The following PTPRN2 variants were observed in gnomAD, a reference collection of about 807,000 sequenced individuals.
The protein encoded by PTPRN2 is protein tyrosine phosphatase receptor type N2.
A neutral mutation model predicts 118.8 loss-of-function variants in PTPRN2; 74 were observed. The observed-to-expected ratio is 0.62, with a 90% CI of 0.52 to 0.76. The LOEUF is 0.76. Ranked by LOEUF, PTPRN2 falls within the 30% of genes least tolerant of loss-of-function variation. The probability of loss-of-function intolerance (pLI) is 0.00; values close to 1 mark genes in which losing one functional copy is unlikely to be tolerated. For synonymous variants in PTPRN2, 641 were observed against 608.0 expected, an observed-to-expected ratio of 1.05 and a Z score of -0.80; for missense variants, 1,481 against 1,394.4, an observed-to-expected ratio of 1.06 and a Z score of -0.99.
At position 158,391,679 on chromosome 7, in the gene PTPRN2, C is replaced by A. The variant is rs371184032; in HGVS notation, c.164-74747G>T. Among the ~76,000 whole-genome samples the A allele has an allele frequency of 1.3e-4, 20 of 152,330 alleles. 1 individual carries two copies. The South Asian group carries it at 4.1e-3, about 32-fold the overall frequency. On this transcript the variant is annotated intron_variant, in intron 2 of 22. Transcript: ENST00000389418. ...CCAGGACATAGAGCAGCTGGAGTCC[C>A]ACCCCAGCCCCTCACAGCCCTGACC...
chr7:158,291,491 G>A lies in PTPRN2; in HGVS notation c.277+25328C>T, dbSNP rs143845546. ...AATTGTTATAAATTAACTAGATTTT[G>A]GTTGATTTCTAATGTTTTCCAAAAA... is the stretch of plus-strand genomic sequence containing the variant. On this transcript the variant is annotated intron_variant, in intron 3 of 22. Transcript: ENST00000389418. Among the ~76,000 whole-genome samples the A allele has an allele frequency of 2.0e-5, 3 of 152,198 alleles. No individual in the cohort carries two copies. The East Asian group carries it at 5.8e-4, about 29-fold the overall frequency.
chr7:158,131,159 A>AAT (rs55780451), intron 9 of PTPRN2, among the ~76,000 whole-genome samples: 2,826 of 151,042 alleles, frequency 0.019, 76 homozygotes, highest in African/African-American at 0.058. Flanking sequence ...CAAATACCCG[A>AAT]AGATGCACAT....
intron 3 of PTPRN2, among the ~76,000 whole-genome samples, chr7:158,239,819 C>A (rs1795802332): frequency 6.6e-6 from 1 of 152,202 alleles, no homozygotes; most frequent in Admixed American, 6.5e-5. Context: ...CCTCCACGCC[C>A]ATTGGGTCAC....
chr7:158,062,899 C>T (rs367863002), intron 11 of PTPRN2, among the ~76,000 whole-genome samples: 53 of 152,330 alleles, frequency 3.5e-4, no homozygotes, highest in African/African-American at 1.1e-3. Flanking sequence ...CGACAAGCGC[C>T]GCCCCCTGCT....
intron 3 of PTPRN2, among the ~76,000 whole-genome samples, chr7:158,214,319 G>T (rs1827814972): frequency 6.6e-6 from 1 of 151,608 alleles, no homozygotes. Flanking sequence ...CATGGTGGTG[G>T]ATTCCCTGGG....
At chr7:157,814,550 A>G (rs2151124924) in intron 12 of PTPRN2, among the ~76,000 whole-genome samples, 1 of 114,334 alleles carries the variant, frequency 8.7e-6, no homozygotes, top group Middle Eastern at 4.4e-3. Context: ...CAGAGGGAGG[A>G]CAGGGACGGA....
chr7:157,947,634 G>A (rs1482733155), intron 11 of PTPRN2, among the ~76,000 whole-genome samples: 1 of 152,166 alleles, frequency 6.6e-6, no homozygotes, highest in Non-Finnish European at 1.5e-5. Context: ...GGAAGCTGAC[G>A]AAATCATGTA....
chr7:158,182,427 G>A (rs1168090782), intron 5 of PTPRN2, among the ~76,000 whole-genome samples: 2 of 152,104 alleles, frequency 1.3e-5, no homozygotes, highest in Non-Finnish European at 2.9e-5. Context: ...TGTGTGCCAT[G>A]GTGGTTTGCT....
intron 2 of PTPRN2, among the ~76,000 whole-genome samples, chr7:158,345,651 G>T (rs1807454790): frequency 6.6e-6 from 1 of 152,210 alleles, no homozygotes; most frequent in Non-Finnish European, 1.5e-5. Context: ...GGCTGAGGAA[G>T]CAAAATGACT....
intron 2 of PTPRN2, among the ~76,000 whole-genome samples, chr7:158,387,205 C>A (rs148431755): frequency 1.3e-5 from 2 of 152,234 alleles, no homozygotes; most frequent in Admixed American, 6.5e-5. Context: ...AGGGCCCACA[C>A]GGACAGATCT....
intron 12 of PTPRN2, among the ~76,000 whole-genome samples, chr7:157,843,221 T>C (rs1180886536): frequency 6.6e-6 from 1 of 152,220 alleles, no homozygotes; most frequent in Non-Finnish European, 1.5e-5. Flanking sequence ...AGCTGTACCA[T>C]AAAGCCTAAT....
rs1415438611 is a variant in PTPRN2 at position 157,764,906 on chromosome 7, T to A, written c.1789-81969A>T. On this transcript the variant is annotated intron_variant, in intron 12 of 22. Transcript: ENST00000389418. This position sits in a 1 kb window ranked among gnomAD's most constrained non-coding sequence, Gnocchi z 4.5. The stretch of plus-strand genomic sequence containing the variant: ...CTTCATCCACCCATCCATCTACCCA[T>A]CCATCCATCCATTGATCCATCCATA... Among the ~76,000 whole-genome samples, 1 of 150,430 alleles carries A rather than the reference T, an allele frequency of 6.6e-6. No individual in the cohort carries two copies. The highest frequency in any genetic ancestry group is 1.5e-5 in the Non-Finnish European group (1 of 67,572).
intron 2 of PTPRN2, among the ~76,000 whole-genome samples, chr7:158,454,395 G>T (rs373445688): frequency 1.4e-5 from 2 of 146,966 alleles, no homozygotes; most frequent in Non-Finnish European, 3.0e-5. Context: ...TGAGGATTGG[G>T]GACAGTTGTT....
At chr7:158,259,542 G>A (rs1797250079) in intron 3 of PTPRN2, among the ~76,000 whole-genome samples, 1 of 152,188 alleles carries the variant, frequency 6.6e-6, no homozygotes, top group Admixed American at 6.5e-5. Flanking sequence ...ATTAGAGGAG[G>A]GCGTGTCTGC....
At chr7:157,601,767 G>C (rs1489404449) in intron 16 of PTPRN2, among the ~76,000 whole-genome samples, 1 of 152,258 alleles carries the variant, frequency 6.6e-6, no homozygotes, top group Non-Finnish European at 1.5e-5. Context: ...AGTGGGCCCA[G>C]CTGCAACGCT....
At chr7:157,742,484 GTTT>G (rs764502341) in intron 12 of PTPRN2, among the ~76,000 whole-genome samples, 1 of 140,218 alleles carries the variant, frequency 7.1e-6, no homozygotes, top group South Asian at 2.3e-4. Flanking sequence ...GCTGACTTCT[GTTT>G]TTTTTTTTTT....
chr7:158,113,036 C>T (rs568167466), intron 9 of PTPRN2, among the ~76,000 whole-genome samples: 2 of 151,314 alleles, frequency 1.3e-5, no homozygotes, highest in South Asian at 4.2e-4. Context: ...CATTTAGGGC[C>T]CCCCAGCATT....
At chr7:157,644,291 G>A (rs1336267955) in intron 14 of PTPRN2, among the ~76,000 whole-genome samples, 3 of 152,322 alleles carry the variant, frequency 2.0e-5, no homozygotes, top group Non-Finnish European at 2.9e-5. Flanking sequence ...TGCCAGCCAC[G>A]GAGAGAGACC....
intron 12 of PTPRN2, among the ~76,000 whole-genome samples, chr7:157,799,773 A>C (rs1805113324): frequency 6.6e-6 from 1 of 150,696 alleles, no homozygotes. Context: ...GGCCCCCTCC[A>C]TCCCTCAGAG....
Sources: gnomAD v4.1 joint callset for allele counts (sites outside exome capture counted in the v4.1 genomes callset) on GRCh38, gnomAD v4.1.1 for gene constraint, Gnocchi (gnomAD v3.1) non-coding constraint, MANE v1.5 for transcripts, NCBI Gene and HGNC (gene_info 2026-07-23, HGNC 2026-07-21) for gene names.